The following KIF21A variants were observed in gnomAD, a reference collection of about 807,000 sequenced individuals.
KIF21A encodes the protein kinesin family member 21A, also known as kinesin-like protein KIF21A.
KIF21A carries 114 observed loss-of-function variants against 202.9 expected under a neutral mutation model. That is an observed-to-expected ratio of 0.56 (90% confidence interval 0.48 to 0.66). The LOEUF (loss-of-function observed/expected upper bound fraction) is 0.66. Among genes scored for constraint, KIF21A ranks in the 30% least tolerant of loss-of-function variants. The pLI, the probability that KIF21A is intolerant of heterozygous loss-of-function variation, is 0.00. For missense variants in KIF21A, 1,677 were observed against 1,994.9 expected (o/e 0.84, Z 3.04); for synonymous variants, 667 against 670.8 (o/e 0.99, Z 0.09).
chr12:39,352,873 G>T (rs1170815919), intron 10 of KIF21A, among the ~76,000 whole-genome samples: 3 of 152,062 alleles, frequency 2.0e-5, no homozygotes, highest in Non-Finnish European at 2.9e-5. Context: ...TCCTAAAAGA[G>T]CCTAGACTAT....
At chr12:39,363,643 C>T (rs561935862) in intron 6 of KIF21A, among the ~76,000 whole-genome samples, 2 of 152,252 alleles carry the variant, frequency 1.3e-5, no homozygotes, top group African/African-American at 2.4e-5. Context: ...GAAAAGAAAA[C>T]CTTCTTTAAT....
chr12:39,331,461 A>C (rs1217731777), intron 22 of KIF21A, among the ~76,000 whole-genome samples: 1 of 152,210 alleles, frequency 6.6e-6, no homozygotes, highest in Non-Finnish European at 1.5e-5. Context: ...TTTCTTCTTT[A>C]AGTTGTTTAT....
chr12:39,357,509 C>A, intron 8 of KIF21A, 72 bp from the exon 9 acceptor site: 1 of 1,260,468 alleles, frequency 7.9e-7, no homozygotes, highest in South Asian at 1.2e-5. Flanking sequence ...TAAGAATACT[C>A]TATAACTATA....
At chr12:39,319,444 G>A (rs1944961442) in intron 28 of KIF21A, among the ~76,000 whole-genome samples, 1 of 152,110 alleles carries the variant, frequency 6.6e-6, no homozygotes, top group African/African-American at 2.4e-5. Flanking sequence ...ACATGAGAGA[G>A]CAACAAGAAA....
At chr12:39,399,986 A>G (rs373798326) in intron 1 of KIF21A, among the ~76,000 whole-genome samples, 28 of 152,344 alleles carry the variant, frequency 1.8e-4, no homozygotes, top group African/African-American at 6.5e-4. Flanking sequence ...TATCATTTAT[A>G]TATTTATTCT....
At chr12:39,366,630 C>G in intron 5 of KIF21A, 113 bp from the exon 6 acceptor site, 1 of 770,684 alleles carries the variant, frequency 1.3e-6, no homozygotes, top group Non-Finnish European at 2.1e-6. Context: ...AAGAAACAGG[C>G]ATAAAGCCAA....
In KIF21A at chr12:39,332,574, C is replaced by T; in HGVS notation, c.2856+17G>A. 6.3e-7 allele frequency: 1 copy of T among 1,592,444 alleles called. No individual in the cohort carries two copies. Among genetic ancestry groups the T allele is most frequent in the Non-Finnish European group, 8.5e-7 (1 of 1,171,058 alleles). ...AGTTAGCTAAGGGGGAGCGTATCTA[C>T]TCTCTATTTTCCACACCTTGAGGAG... On this transcript the variant is annotated intron_variant, in intron 20 of 37. Transcript: ENST00000361418.
rs527707227 is a variant in KIF21A at position 39,382,805 on chromosome 12, AG to A, written c.45-12545del. On this transcript the variant is annotated intron_variant, in intron 1 of 37. Coordinates refer to ENST00000361418, the MANE Select transcript of KIF21A (RefSeq NM_001173464.2). ...ATATTTTCCTAAATGCACACAAAAC[AG>A]CATGTGGAGTGAACTTACCTGTCAA... Among the ~76,000 whole-genome samples, 9 of 152,320 alleles carry A rather than the reference AG, an allele frequency of 5.9e-5. No homozygotes were observed. In the South Asian group the frequency reaches 1.9e-3, roughly 32 times the overall value.
chr12:39,357,209 A>C, intron 9 of KIF21A, 39 bp downstream of exon 9: 1 of 1,566,352 alleles, frequency 6.4e-7, no homozygotes, highest in Non-Finnish European at 8.8e-7. Context: ...CCTGCCCTCC[A>C]GAAGTTAATC....
chr12:39,369,852 TTCC>T lies in KIF21A; in HGVS notation c.324_326del (p.Glu110del), dbSNP rs1413545191. 4.3e-6 allele frequency: 7 copies of T among 1,613,352 alleles called. No individual in the cohort carries two copies. Among genetic ancestry groups the T allele is most frequent in the Non-Finnish European group, 5.9e-6 (7 of 1,179,590 alleles). On this transcript the variant is annotated inframe_deletion, in exon 3 of 38. Coordinates refer to ENST00000361418, the MANE Select transcript of KIF21A (RefSeq NM_001173464.2). ...CAGCTCGAGAAATAATACCCAGTTC[TTCC>T]TCAACAATGTTAACATCAAATCCTG...
chr12:39,332,119 A>AT, intron 21 of KIF21A, 95 bp downstream of exon 21: 1 of 1,177,444 alleles, frequency 8.5e-7, no homozygotes, highest in African/African-American at 1.5e-5. Flanking sequence ...AGGAAATAGA[A>AT]AATACCTTCA....
chr12:39,302,915 A>C (rs769943475), intron 36 of KIF21A, 50 bp downstream of exon 36: 1 of 1,461,578 alleles, frequency 6.8e-7, no homozygotes, highest in Non-Finnish European at 9.6e-7. Flanking sequence ...TACAGGCTAC[A>C]GGATTGTGTT....
rs201499236 is a variant in KIF21A at position 39,360,393 on chromosome 12, AT to A, written c.1020-2021del. Among the ~76,000 whole-genome samples, 324 of 145,100 alleles carry A rather than the reference AT, an allele frequency of 2.2e-3. 2 individuals carry two copies. Among genetic ancestry groups the A allele is most frequent in the South Asian group, 7.8e-3 (36 of 4,610 alleles). On this transcript the variant is annotated intron_variant, in intron 7 of 37. Coordinates refer to ENST00000361418, the MANE Select transcript of KIF21A (RefSeq NM_001173464.2). Reference sequence around the variant, plus strand: ...GTTACTTCTAGGTATTAGAAATATGATTTTTTTTTTTTTTGAGATGGAGTCT... The same window carrying A: ...GTTACTTCTAGGTATTAGAAATATGATTTTTTTTTTTTTGAGATGGAGTCT...
intron 1 of KIF21A, among the ~76,000 whole-genome samples, chr12:39,427,950 G>C (rs896841625): frequency 2.0e-5 from 3 of 152,028 alleles, no homozygotes; most frequent in African/African-American, 4.8e-5. Flanking sequence ...TGAGCCACCC[G>C]CGCCCAGCCA....
At chr12:39,346,820 T>C (rs548457519) in intron 11 of KIF21A, among the ~76,000 whole-genome samples, 12 of 152,018 alleles carry the variant, frequency 7.9e-5, no homozygotes, top group South Asian at 4.1e-4. Flanking sequence ...GATGCCTTTT[T>C]TTTAGTCTGA....
intron 1 of KIF21A, among the ~76,000 whole-genome samples, chr12:39,436,448 A>ATATATATATATATATATATATATTTTTTT (rs1387332677): frequency 7.3e-5 from 7 of 95,750 alleles, no homozygotes; most frequent in Non-Finnish European, 1.2e-4. Flanking sequence ...ATATATATAT[A>ATATATATATATATATATATATATTTTTTT]TTTTTTTTTT....
intron 1 of KIF21A, among the ~76,000 whole-genome samples, chr12:39,441,931 ACT>A (rs986112843): frequency 1.3e-5 from 2 of 152,014 alleles, no homozygotes; most frequent in Non-Finnish European, 2.9e-5. Context: ...TTAACAGTAG[ACT>A]CTCAGAGCTG....
intron 10 of KIF21A, among the ~76,000 whole-genome samples, chr12:39,354,837 T>C (rs138376294): frequency 9.7e-4 from 147 of 152,302 alleles, no homozygotes; most frequent in Middle Eastern, 3.4e-3. Flanking sequence ...TATACTATTA[T>C]TTTATTTGAG....
At chr12:39,414,203 T>C (rs1180424575) in intron 1 of KIF21A, among the ~76,000 whole-genome samples, 1 of 152,346 alleles carries the variant, frequency 6.6e-6, no homozygotes, top group East Asian at 1.9e-4. Flanking sequence ...TTCTTGCTGT[T>C]ATCAGGAATG....
Sources: allele counts gnomAD v4.1 joint callset (sites outside exome capture counted in the v4.1 genomes callset), GRCh38; gene constraint gnomAD v4.1.1; transcripts MANE v1.5; gene names NCBI Gene and HGNC (gene_info 2026-07-23, HGNC 2026-07-21).